The following TRMT10A variants were observed in gnomAD, a reference collection of about 807,000 sequenced individuals.
The protein encoded by TRMT10A is tRNA methyltransferase 10A, also known as tRNA methyltransferase 10 homolog A.
In TRMT10A, 37 loss-of-function variants were observed where a neutral mutation model predicts 40.4. That is an observed-to-expected ratio of 0.92 (90% CI 0.71 to 1.21). The LOEUF (loss-of-function observed/expected upper bound fraction) is 1.21, where lower values mean the gene tolerates loss of function less well. Ranked by LOEUF, TRMT10A falls within the 50% of genes most tolerant of loss-of-function variation. The probability of loss-of-function intolerance (pLI) is 0.00; values close to 1 mark genes in which losing one functional copy is unlikely to be tolerated. For missense variants in TRMT10A, 388 were observed against 404.3 expected (o/e 0.96, Z 0.35); for synonymous variants, 103 against 134.1 (o/e 0.77, Z 1.60).
chr4:99,555,788 CAG>C (rs1346667621), intron 5 of TRMT10A, among the ~76,000 whole-genome samples: 9 of 152,104 alleles, frequency 5.9e-5, no homozygotes, highest in Non-Finnish European at 1.0e-4. Context: ...TAAGAAGAAA[CAG>C]AATGCAGGCA....
chr4:99,563,784 C>T (rs1344167703), intron 1 of TRMT10A, 129 bp downstream of exon 1: 1 of 538,210 alleles, frequency 1.9e-6, no homozygotes, highest in South Asian at 1.6e-5. Flanking sequence ...CAGGAAACCA[C>T]TTCCACACCA....
chr4:99,563,875 TA>T lies in TRMT10A; in HGVS notation c.-24+37del. 3 of 698,980 alleles carry T rather than the reference TA, an allele frequency of 4.3e-6. No homozygotes were observed. The South Asian group carries it at 4.5e-5, about 10-fold the overall frequency. 43.3% of individuals were successfully genotyped at this position (698,980 alleles called of 1,614,324 possible). A position where few individuals can be genotyped will look rare whatever the true frequency, so the allele number is the denominator to read the frequency against. On this transcript the variant is annotated intron_variant, in intron 1 of 7. Transcript: ENST00000394876. ...GCCCCTTTGCGTCCAGAGAATACCATAGTGCGGGGGAGCGCCAACCAGTGCC... is the reference window on the plus strand; with the variant it reads ...GCCCCTTTGCGTCCAGAGAATACCATGTGCGGGGGAGCGCCAACCAGTGCC...
chr4:99,558,120 G>T lies in TRMT10A; in HGVS notation c.277C>A (p.Arg93=). Residue 93 remains arginine (R), a synonymous_variant, in exon 3 of 8, where the codon CGA becomes AGA. Transcript: ENST00000394876. ...AGGGTGCTATGAACAACATCTCTTC[G>T]AACACGTTTTCTGTCATGTCCATCT... The part of the protein sequence containing the change: ...NSDGHDRKRV[R]RDVVHSTLRL... 3 of 1,612,648 alleles carry T rather than the reference G, an allele frequency of 1.9e-6. No homozygotes were observed. The South Asian group carries it at 3.3e-5, about 18-fold the overall frequency.
chr4:99,556,704 A>T (rs1219033443), intron 4 of TRMT10A, among the ~76,000 whole-genome samples: 1 of 152,192 alleles, frequency 6.6e-6, no homozygotes, highest in Non-Finnish European at 1.5e-5. Context: ...AAAAGTATAA[A>T]AAACAAAAAT....
At chr4:99,558,862 C>T (rs960201963) in intron 2 of TRMT10A, among the ~76,000 whole-genome samples, 1 of 152,054 alleles carries the variant, frequency 6.6e-6, no homozygotes, top group Non-Finnish European at 1.5e-5. Flanking sequence ...TGCTGCTACT[C>T]ATAATAAGGT....
At position 99,559,212 on chromosome 4, in the gene TRMT10A, G is replaced by A. The variant is rs777454029; in HGVS notation, c.127C>T (p.Arg43Ter). 21 of 1,613,136 alleles carry A rather than the reference G, an allele frequency of 1.3e-5. No homozygotes were observed. The highest frequency in any genetic ancestry group is 1.0e-4 in the Admixed American group (6 of 59,988). ...TGTTTTATTAGTTTTTTCATTTGTCGTTTAGATATTGGTTCACACCCTTCA... is the reference window on the plus strand; with the variant it reads ...TGTTTTATTAGTTTTTTCATTTGTCATTTAGATATTGGTTCACACCCTTCA... ...LGEGCEPISK[R>*]QMKKLIKQKQ... is the part of the protein sequence containing the mutation. Residue 43 changes from arginine to a stop codon, truncating the protein, a stop_gained, in exon 2 of 8, where the codon CGA becomes TGA. Transcript: ENST00000394876. LOFTEE classifies it high-confidence loss of function.
Position 99,559,153 on chromosome 4 carries a change from C to T in TRMT10A, c.185+1G>A. 8.1e-6 allele frequency: 13 copies of T among 1,610,474 alleles called. No homozygotes were observed. The highest frequency in any genetic ancestry group is 1.1e-5 in the Non-Finnish European group (13 of 1,177,872). ...GAGCATATACATTTTGAAACACATA[C>T]TTGCGGAGTTCCCGTTGCTCTTCCC... On this transcript the variant is annotated splice_donor_variant, in intron 2 of 7. Transcript: ENST00000394876. LOFTEE classifies it high-confidence loss of function.
At chr4:99,551,447 T>C (rs1723960417) in intron 6 of TRMT10A, among the ~76,000 whole-genome samples, 1 of 152,186 alleles carries the variant, frequency 6.6e-6, no homozygotes, top group Non-Finnish European at 1.5e-5. Context: ...AGCTAAAACA[T>C]TCCTGTCACC....
rs927649387 is a variant in TRMT10A, at chr4:99,559,304, G to A, written c.35C>T (p.Thr12Ile). ...GCCTTGCTTTTTGTCAACATTAGAAGTTTCAATAAATGCTGGCAACATTTC... is the reference window on the plus strand; with the variant it reads ...GCCTTGCTTTTTGTCAACATTAGAAATTTCAATAAATGCTGGCAACATTTC... Reference protein sequence around the residue: ...SSEMLPAFIETSNVDKKQGIN... With the variant: ...SSEMLPAFIEISNVDKKQGIN... The change falls in exon 2 of 8, where the codon ACT becomes ATT. Residue 12 changes from threonine (T) to isoleucine (I), a missense_variant. Thr to Ile is a moderately conservative substitution (Grantham distance 89, BLOSUM62 -1). Transcript: ENST00000394876. 1 of 1,611,880 alleles carries A rather than the reference G, an allele frequency of 6.2e-7. No homozygotes were observed. The highest frequency in any genetic ancestry group is 8.5e-7 in the Non-Finnish European group (1 of 1,178,644).
In TRMT10A at chr4:99,558,267, ACT is replaced by A. The variant is rs1724249743; in HGVS notation, c.186-58_186-57del. 12 of 1,369,974 alleles carry A rather than the reference ACT, an allele frequency of 8.8e-6. No individual in the cohort carries two copies. In the South Asian group the frequency reaches 1.7e-4, roughly 19 times the overall value. The allele number at this position is 1,369,974 out of a possible 1,614,324, so 84.9% of individuals were successfully genotyped here. ...TATTGTGTATTCAGTTATTTACAAG[ACT>A]CTTCTAAATAAACAATTCCTTTTAA... On this transcript the variant is annotated intron_variant, in intron 2 of 7. Transcript: ENST00000394876.
At position 99,556,145 on chromosome 4, in the gene TRMT10A, C is replaced by A; in HGVS notation, c.495+1G>T. The A allele has an allele frequency of 6.2e-7, 1 of 1,613,224 alleles. No individual in the cohort carries two copies. Among genetic ancestry groups the A allele is most frequent in the Non-Finnish European group, 8.5e-7 (1 of 1,179,510 alleles). Reference sequence around the variant, plus strand: ...TGTGAGAGTTTATCTGTTTTAATTACCTTCCAGTTGACCCATCCTTTGTCA... The same window carrying A: ...TGTGAGAGTTTATCTGTTTTAATTAACTTCCAGTTGACCCATCCTTTGTCA... On this transcript the variant is annotated splice_donor_variant, in intron 5 of 7. Transcript: ENST00000394876. LOFTEE classifies it high-confidence loss of function.
At chr4:99,558,258 A>G (rs987568260) in intron 2 of TRMT10A, 47 bp from the exon 3 acceptor site, 2 of 1,437,028 alleles carry the variant, frequency 1.4e-6, no homozygotes, top group Non-Finnish European at 1.9e-6. Context: ...GTATTCAGTT[A>G]TTTACAAGAC....
In TRMT10A at chr4:99,553,930, A is replaced by C; in HGVS notation, c.500T>G (p.Ile167Ser). The change falls in exon 6 of 8, where the codon ATC becomes AGC. Residue 167 changes from isoleucine to serine, a missense_variant. Coordinates refer to ENST00000394876, the MANE Select transcript of TRMT10A (RefSeq NM_001134665.3). ...NDKGWVNWKD[I>S]HIKPEHYSEL... ...ACTATAGTGCTCTGGTTTGATATGG[A>C]TATCCTTTAAGACAACAGGGAAAGA... 1 of 1,612,208 alleles carries C rather than the reference A, an allele frequency of 6.2e-7. No individual in the cohort carries two copies. Among genetic ancestry groups the C allele is most frequent in the Non-Finnish European group, 8.5e-7 (1 of 1,179,426 alleles).
At chr4:99,556,819 G>A (rs1724179637) in intron 4 of TRMT10A, among the ~76,000 whole-genome samples, 1 of 152,104 alleles carries the variant, frequency 6.6e-6, no homozygotes, top group Admixed American at 6.6e-5. Flanking sequence ...AGGTCACCTA[G>A]AATTCCAACA....
chr4:99,548,981 T>C lies in TRMT10A; in HGVS notation c.*107A>G, dbSNP rs1723850325. On this transcript the variant is annotated 3_prime_UTR_variant, in exon 8 of 8. Coordinates refer to ENST00000394876, the MANE Select transcript of TRMT10A (RefSeq NM_001134665.3). ...AGGTCCAAAAAAAAGTTTTTAAAAA[T>C]CACAACAGAAATAAGAGAAAATAAA... 4.8e-6 allele frequency: 6 copies of C among 1,252,392 alleles called. No individual in the cohort carries two copies. The highest frequency in any genetic ancestry group is 1.5e-5 in the African/African-American group (1 of 65,572). 77.6% of individuals were successfully genotyped at this position (1,252,392 alleles called of 1,614,324 possible).
In TRMT10A at chr4:99,547,375, A is replaced by C. The variant is rs2110178589; in HGVS notation, c.*1713T>G. The stretch of plus-strand genomic sequence containing the variant: ...TAAGAGAATAAATTTCTGTTGTTTA[A>C]AGCCACCCAGTTTGTGGTAATTTGT... On this transcript the variant is annotated 3_prime_UTR_variant, in exon 8 of 8. Coordinates refer to ENST00000394876, the MANE Select transcript of TRMT10A (RefSeq NM_001134665.3). 6.6e-6 allele frequency: 1 copy of C among 152,236 alleles called. No individual in the cohort carries two copies. The highest frequency in any genetic ancestry group is 1.5e-5 in the Non-Finnish European group (1 of 68,026). 9.4% of individuals were successfully genotyped at this position (152,236 alleles called of 1,614,324 possible). A position where few individuals can be genotyped will look rare whatever the true frequency, so the allele number is the denominator to read the frequency against.
At chr4:99,562,414 C>T (rs1305221092) in intron 1 of TRMT10A, among the ~76,000 whole-genome samples, 1 of 149,686 alleles carries the variant, frequency 6.7e-6, no homozygotes, top group Non-Finnish European at 1.5e-5. Context: ...AATAAATAAT[C>T]GTCGTTAATT....
intron 6 of TRMT10A, among the ~76,000 whole-genome samples, chr4:99,551,630 A>G (rs1214089127): frequency 1.3e-5 from 2 of 152,136 alleles, no homozygotes; most frequent in African/African-American, 4.8e-5. Flanking sequence ...TGTATTTACT[A>G]TACTTTTTAT....
chr4:99,557,763 T>C (rs574770789), intron 3 of TRMT10A: 88 of 415,742 alleles, frequency 2.1e-4, no homozygotes, highest in Admixed American at 5.4e-4. Context: ...CAGATCTTTA[T>C]GATCAATAAG....
Sources: gnomAD v4.1 joint callset for allele counts (sites outside exome capture counted in the v4.1 genomes callset) on GRCh38, gnomAD v4.1.1 for gene constraint, MANE v1.5 for transcripts, NCBI Gene and HGNC (gene_info 2026-07-23, HGNC 2026-07-21) for gene names.